Variants in TRIP12 observed in about 807,000 individuals in gnomAD.
TRIP12 encodes the protein thyroid hormone receptor interactor 12.
In TRIP12, 25 loss-of-function variants were observed where a neutral mutation model predicts 244.2. That is an observed-to-expected ratio of 0.10 (90% confidence interval 0.07 to 0.14). The LOEUF (loss-of-function observed/expected upper bound fraction) is 0.14. Ranked by LOEUF, TRIP12 falls within the 10% of genes least tolerant of loss-of-function variation. The pLI, the probability that TRIP12 is intolerant of heterozygous loss-of-function variation, is 1.00. For synonymous variants in TRIP12, 905 were observed against 873.1 expected, an observed-to-expected ratio of 1.04 and a Z score of -0.64; for missense variants, 1,677 against 2,486.4, an observed-to-expected ratio of 0.67 and a Z score of 6.92.
At chr2:229,912,352 C>T (rs1238125252) in intron 1 of TRIP12, among the ~76,000 whole-genome samples, 1 of 152,140 alleles carries the variant, frequency 6.6e-6, no homozygotes, top group African/African-American at 2.4e-5. Flanking sequence ...TATTTTTGTA[C>T]ACCTTTTTCA....
Position 229,815,106 on chromosome 2 carries a change from A to G in TRIP12, c.1724T>C (p.Leu575Ser). The G allele has an allele frequency of 6.2e-7, 1 of 1,609,154 alleles. No homozygotes were observed. The highest frequency in any genetic ancestry group is 8.5e-7 in the Non-Finnish European group (1 of 1,178,298). Residue 575 changes from leucine (L) to serine (S), a missense_variant, in exon 11 of 42, where the codon TTA becomes TCA. Transcript: ENST00000675903. ...AVVVDAIPVF[L>S]EKLQVIQCID... Reference sequence around the variant, plus strand: ...GGGTAAAAGTAGGATCACCTTTTCTAAAAAGACAGGAATAGCATCTACTAC... The same window carrying G: ...GGGTAAAAGTAGGATCACCTTTTCTGAAAAGACAGGAATAGCATCTACTAC...
chr2:229,901,232 C>G (rs1300301831), intron 1 of TRIP12, among the ~76,000 whole-genome samples: 3 of 151,850 alleles, frequency 2.0e-5, no homozygotes, highest in Non-Finnish European at 4.4e-5. Context: ...CCACACCCGG[C>G]TCAATAAAGC....
intron 1 of TRIP12, among the ~76,000 whole-genome samples, chr2:229,917,779 T>A (rs942184703): frequency 6.6e-6 from 1 of 152,112 alleles, no homozygotes; most frequent in Non-Finnish European, 1.5e-5. Context: ...TAACTTCAAA[T>A]CTCTGGGTTC....
intron 5 of TRIP12, among the ~76,000 whole-genome samples, chr2:229,840,014 C>T (rs933101160): frequency 1.1e-4 from 17 of 152,170 alleles, no homozygotes; most frequent in African/African-American, 4.1e-4. Context: ...TTTCCCCCTC[C>T]ATTCATTAAA....
rs1010776945 is a variant in TRIP12 at position 229,804,305 on chromosome 2, C to A, written c.2651-78G>T. On this transcript the variant is annotated intron_variant, in intron 18 of 41. Transcript: ENST00000675903. ...AACACAATAAACAATATAAAATACT[C>A]AAGCCAGTGTAATTCTTGAAATGCT... The A allele has an allele frequency of 6.4e-6, 8 of 1,254,734 alleles. No homozygotes were observed. The East Asian group carries it at 1.4e-4, about 22-fold the overall frequency. The allele number at this position is 1,254,734 out of a possible 1,614,324, so 77.7% of individuals were successfully genotyped here. A position where few individuals can be genotyped will look rare whatever the true frequency, so the allele number is the denominator to read the frequency against.
chr2:229,824,600 T>A (rs2051000538), intron 8 of TRIP12, among the ~76,000 whole-genome samples: 1 of 152,166 alleles, frequency 6.6e-6, no homozygotes, highest in Non-Finnish European at 1.5e-5. Context: ...CGTGGCAGCT[T>A]TACAAAGGCC....
chr2:229,823,314 A>AT (rs1009977128), intron 8 of TRIP12, among the ~76,000 whole-genome samples: 7 of 151,866 alleles, frequency 4.6e-5, no homozygotes, highest in Admixed American at 2.6e-4. Flanking sequence ...TGGTTTTTAC[A>AT]TTTTTTTTGA....
At chr2:229,915,542 C>G (rs1197985194) in intron 1 of TRIP12, among the ~76,000 whole-genome samples, 1 of 152,002 alleles carries the variant, frequency 6.6e-6, no homozygotes, top group African/African-American at 2.4e-5. Context: ...TCAACAAACG[C>G]TTAATCCCTA....
intron 4 of TRIP12, among the ~76,000 whole-genome samples, chr2:229,846,040 G>T (rs1308817299): frequency 6.6e-6 from 1 of 151,606 alleles, no homozygotes; most frequent in Admixed American, 6.6e-5. Context: ...AAGGTGGGGG[G>T]GGCAGGTAGT....
intron 4 of TRIP12, among the ~76,000 whole-genome samples, chr2:229,849,093 A>AG (rs1161917817): frequency 6.6e-6 from 1 of 152,248 alleles, no homozygotes; most frequent in Non-Finnish European, 1.5e-5. Flanking sequence ...AACCATCCAG[A>AG]GGCCTCATTT....
intron 1 of TRIP12, among the ~76,000 whole-genome samples, chr2:229,898,255 C>T (rs1160258181): frequency 6.6e-6 from 1 of 152,072 alleles, no homozygotes; most frequent in African/African-American, 2.4e-5. Flanking sequence ...TTTTTAAGTC[C>T]CACTTTATTT....
At chr2:229,838,336 G>A (rs1388955642) in intron 5 of TRIP12, among the ~76,000 whole-genome samples, 1 of 152,128 alleles carries the variant, frequency 6.6e-6, no homozygotes, top group African/African-American at 2.4e-5. Flanking sequence ...GGATACATAG[G>A]GCTGCTGCCC....
At chr2:229,907,772 C>T (rs1265117233) in intron 1 of TRIP12, among the ~76,000 whole-genome samples, 1 of 66,692 alleles carries the variant, frequency 1.5e-5, no homozygotes, top group African/African-American at 5.9e-5. Flanking sequence ...AATTGCACTC[C>T]AGTCTAAACA....
At chr2:229,898,989 T>C (rs1483696600) in intron 1 of TRIP12, among the ~76,000 whole-genome samples, 1 of 152,244 alleles carries the variant, frequency 6.6e-6, no homozygotes, top group Non-Finnish European at 1.5e-5. Flanking sequence ...TGCTCAGTAT[T>C]GCTGAATACA....
intron 8 of TRIP12, among the ~76,000 whole-genome samples, chr2:229,828,272 G>A (rs1216667224): frequency 6.6e-6 from 1 of 151,720 alleles, no homozygotes; most frequent in Non-Finnish European, 1.5e-5. Flanking sequence ...ATGTGTAAAG[G>A]TTGATGGTAA....
At chr2:229,906,846 T>C (rs1424822665) in intron 1 of TRIP12, among the ~76,000 whole-genome samples, 3 of 152,110 alleles carry the variant, frequency 2.0e-5, no homozygotes, top group Admixed American at 1.3e-4. Flanking sequence ...TTTTTATAAA[T>C]CTGAGACTAT....
chr2:229,876,769 TC>T (rs562998151), intron 2 of TRIP12, among the ~76,000 whole-genome samples: 4 of 152,302 alleles, frequency 2.6e-5, no homozygotes, highest in African/African-American at 9.6e-5. Context: ...GCTCAAGCGA[TC>T]CTCCCACCTC....
rs1048659529 is a variant in TRIP12 at position 229,797,583 on chromosome 2, T to C, written c.3624+107A>G. 2.9e-6 allele frequency: 4 copies of C among 1,401,814 alleles called. No homozygotes were observed. The African/African-American group carries it at 4.3e-5, about 15-fold the overall frequency. The allele number at this position is 1,401,814 out of a possible 1,614,324, so 86.8% of individuals were successfully genotyped here. A position where few individuals can be genotyped will look rare whatever the true frequency, so the allele number is the denominator to read the frequency against. On this transcript the variant is annotated intron_variant, in intron 24 of 41. Coordinates refer to ENST00000675903, the MANE Select transcript of TRIP12 (RefSeq NM_001348323.3). Reference sequence around the variant, plus strand: ...GGTGTATATAAGGTAAAAGTCGATGTAGGATAGCTAAATCCATAGGAAGCT... The same window carrying C: ...GGTGTATATAAGGTAAAAGTCGATGCAGGATAGCTAAATCCATAGGAAGCT...
intron 1 of TRIP12, among the ~76,000 whole-genome samples, chr2:229,906,215 G>A (rs2154373686): frequency 6.6e-6 from 1 of 151,058 alleles, no homozygotes; most frequent in East Asian, 2.0e-4. Flanking sequence ...TGAGGCAGGA[G>A]AACTGCTTGA....
Sources: allele counts gnomAD v4.1 joint callset (sites outside exome capture counted in the v4.1 genomes callset), GRCh38; gene constraint gnomAD v4.1.1; transcripts MANE v1.5; gene names NCBI Gene and HGNC (gene_info 2026-07-23, HGNC 2026-07-21).